Variants in TNS3 observed in about 807,000 individuals in gnomAD.
TNS3 encodes the protein tensin-3.
Under a neutral mutation model 140.9 loss-of-function variants are expected in TNS3, and 45 were observed. The ratio of observed to expected loss-of-function variants is 0.32; its 90% CI spans 0.25 to 0.41. The LOEUF (loss-of-function observed/expected upper bound fraction) is 0.41, where lower values mean the gene tolerates loss of function less well. Among genes scored for constraint, TNS3 ranks in the 10% least tolerant of loss-of-function variants. The pLI is 1.00. For synonymous variants in TNS3, 815 were observed against 788.4 expected (o/e 1.03, Z -0.56); for missense variants, 1,716 against 1,906.7 (o/e 0.90, Z 1.86).
At chr7:47,325,027 T>G (rs954076175) in intron 20 of TNS3, among the ~76,000 whole-genome samples, 5 of 151,896 alleles carry the variant, frequency 3.3e-5, no homozygotes, top group African/African-American at 1.2e-4. Flanking sequence ...GGGAAAACTA[T>G]CAAGGGAAAC....
chr7:47,517,338 A>G (rs1337454772), intron 2 of TNS3, among the ~76,000 whole-genome samples: 1 of 152,170 alleles, frequency 6.6e-6, no homozygotes, highest in African/African-American at 2.4e-5. Context: ...CACGCTTGAC[A>G]AAAGAAACCT....
At chr7:47,279,876 T>A (rs767356483) in intron 30 of TNS3, 14 of 488,138 alleles carry the variant, frequency 2.9e-5, no homozygotes, top group Non-Finnish European at 5.2e-5. Flanking sequence ...AGCCCATGCA[T>A]TCCCAAATGG....
chr7:47,349,318 C>T (rs1789527908), intron 17 of TNS3, among the ~76,000 whole-genome samples: 1 of 152,234 alleles, frequency 6.6e-6, no homozygotes, highest in African/African-American at 2.4e-5. Flanking sequence ...TGCTTGTGCT[C>T]AAATCTGTGT....
intron 16 of TNS3, among the ~76,000 whole-genome samples, chr7:47,393,647 C>A (rs1243847268): frequency 6.6e-6 from 1 of 152,160 alleles, no homozygotes; most frequent in East Asian, 1.9e-4. Flanking sequence ...GGAGGCTGCA[C>A]TCTCACCCAC....
chr7:47,391,064 T>C (rs1051027777), intron 16 of TNS3, among the ~76,000 whole-genome samples: 3 of 152,216 alleles, frequency 2.0e-5, no homozygotes, highest in South Asian at 4.1e-4. Context: ...ACACAGCACC[T>C]CTTACTTCCT....
intron 4 of TNS3, among the ~76,000 whole-genome samples, chr7:47,461,519 C>A (rs1021144412): frequency 2.4e-4 from 37 of 152,160 alleles, no homozygotes; most frequent in African/African-American, 8.9e-4. Context: ...CCGAAGGGGC[C>A]CAGGGCCTTC....
intron 3 of TNS3, among the ~76,000 whole-genome samples, chr7:47,499,938 C>T (rs557567950): frequency 6.6e-5 from 10 of 152,200 alleles, no homozygotes; most frequent in African/African-American, 1.9e-4. Context: ...TGTCTCTGTG[C>T]GTGAATATGC....
In TNS3 at chr7:47,469,103, G is replaced by A. The variant is rs554143644; in HGVS notation, c.-76+12000C>T. 2.0e-5 allele frequency among the ~76,000 whole-genome samples: 3 copies of A among 152,326 alleles called. No homozygotes were observed. The South Asian group carries it at 6.2e-4, about 32-fold the overall frequency. ...AAAAACTAACCCAAGGTAGATTACA[G>A]ATTTAAATGTAAGACCTCAAACTAT... On this transcript the variant is annotated intron_variant, in intron 4 of 30. Transcript: ENST00000311160.
intron 30 of TNS3, chr7:47,279,103 G>A (rs563916075): frequency 4.9e-4 from 75 of 152,456 alleles, no homozygotes; most frequent in African/African-American, 1.7e-3. Flanking sequence ...AGCCCAGCTC[G>A]TCAGTACCAG....
chr7:47,461,428 G>A (rs563073859), intron 4 of TNS3, among the ~76,000 whole-genome samples: 9 of 152,294 alleles, frequency 5.9e-5, no homozygotes, highest in African/African-American at 1.9e-4. Flanking sequence ...TGGAGCACTA[G>A]AGAATTGGCT....
intron 20 of TNS3, among the ~76,000 whole-genome samples, chr7:47,343,290 C>T (rs566005683): frequency 3.9e-4 from 59 of 152,344 alleles, no homozygotes; most frequent in African/African-American, 1.4e-3. Context: ...CTTCCTGCAG[C>T]CTCCTAGACC....
At chr7:47,453,743 G>A (rs886658719) in intron 4 of TNS3, among the ~76,000 whole-genome samples, 2 of 152,198 alleles carry the variant, frequency 1.3e-5, no homozygotes, top group Admixed American at 1.3e-4. Flanking sequence ...GTTACAAAAC[G>A]GGAGATGGAG....
chr7:47,533,419 C>T (rs1168694072), intron 1 of TNS3, among the ~76,000 whole-genome samples: 3 of 141,594 alleles, frequency 2.1e-5, no homozygotes, highest in Non-Finnish European at 3.1e-5. Context: ...TGTGAGCCAC[C>T]GCACCTGGCC....
chr7:47,355,814 T>C (rs1789961589), intron 17 of TNS3, among the ~76,000 whole-genome samples: 2 of 152,106 alleles, frequency 1.3e-5, no homozygotes, highest in African/African-American at 4.8e-5. Flanking sequence ...GAGACTGATC[T>C]TTGCCAGCGC....
At chr7:47,308,672 G>A (rs985569067) in intron 20 of TNS3, among the ~76,000 whole-genome samples, 6 of 152,152 alleles carry the variant, frequency 3.9e-5, no homozygotes, top group African/African-American at 1.4e-4. Flanking sequence ...AGGAAGGCCT[G>A]GAGTCATGCT....
intron 28 of TNS3, among the ~76,000 whole-genome samples, chr7:47,280,961 T>C (rs1019128672): frequency 4.0e-5 from 6 of 150,984 alleles, no homozygotes; most frequent in Non-Finnish European, 5.9e-5. Flanking sequence ...GGGTGTGAGA[T>C]GGACACAAGG....
intron 17 of TNS3, among the ~76,000 whole-genome samples, chr7:47,351,804 G>A (rs761474384): frequency 2.0e-4 from 30 of 152,134 alleles, no homozygotes; most frequent in Non-Finnish European, 3.2e-4. Context: ...TACAAAACGG[G>A]CTCCTGTCCG....
intron 3 of TNS3, among the ~76,000 whole-genome samples, chr7:47,490,906 C>T (rs1328788533): frequency 6.6e-6 from 1 of 152,300 alleles, no homozygotes; most frequent in East Asian, 1.9e-4. Flanking sequence ...CATGCCCAGA[C>T]GAGTGTGTTG....
chr7:47,338,984 T>C (rs956903391), intron 20 of TNS3, among the ~76,000 whole-genome samples: 3 of 152,364 alleles, frequency 2.0e-5, no homozygotes, highest in Admixed American at 6.5e-5. Context: ...TCTTTTTCTC[T>C]GCAGCTTTGC....
Sources: allele counts gnomAD v4.1 joint callset (sites outside exome capture counted in the v4.1 genomes callset), GRCh38; gene constraint gnomAD v4.1.1; transcripts MANE v1.5; gene names NCBI Gene and HGNC (gene_info 2026-07-23, HGNC 2026-07-21).